Variants in CYP3A7 observed in about 807,000 individuals in gnomAD.
CYP3A7 encodes cytochrome P450 3A7.
CYP3A7 carries 45 observed loss-of-function variants against 55.2 expected under a neutral mutation model. That is an observed-to-expected ratio of 0.82 (90% CI 0.64 to 1.05). The LOEUF (loss-of-function observed/expected upper bound fraction) is 1.05. Among genes scored for constraint, CYP3A7 ranks in the 50% least tolerant of loss-of-function variants. The pLI, the probability that CYP3A7 is intolerant of heterozygous loss-of-function variation, is 0.00. For missense variants in CYP3A7, 548 were observed against 605.3 expected (o/e 0.91, Z 0.99); for synonymous variants, 180 against 207.4 (o/e 0.87, Z 1.13).
chr7:99,708,800 G>A (rs1279627639), intron 11 of CYP3A7, among the ~76,000 whole-genome samples: 1 of 152,150 alleles, frequency 6.6e-6, no homozygotes, highest in Non-Finnish European at 1.5e-5. Flanking sequence ...GACCCATAAG[G>A]ACATAATTGA....
chr7:99,713,067 A>C (rs1490619501), intron 9 of CYP3A7, among the ~76,000 whole-genome samples: 2 of 152,240 alleles, frequency 1.3e-5, no homozygotes, highest in African/African-American at 4.8e-5. Context: ...AGATGCATTA[A>C]GTTGCTGCAA....
intron 2 of CYP3A7, among the ~76,000 whole-genome samples, chr7:99,726,801 T>G (rs1161608802): frequency 2.0e-5 from 3 of 152,176 alleles, no homozygotes; most frequent in African/African-American, 7.2e-5. Context: ...ACATTTACTC[T>G]CCAAAGGATA....
At chr7:99,706,088 T>C (rs1257674763) in intron 12 of CYP3A7, among the ~76,000 whole-genome samples, 1 of 152,216 alleles carries the variant, frequency 6.6e-6, no homozygotes, top group East Asian at 1.9e-4. Flanking sequence ...CCATCTAGTG[T>C]AAAGATGGGA....
At chr7:99,715,628 A>G in intron 7 of CYP3A7, 130 bp downstream of exon 7, 3 of 1,490,596 alleles carry the variant, frequency 2.0e-6, no homozygotes, top group South Asian at 1.2e-5. Flanking sequence ...ATGGTCGTAC[A>G]TATCTTCAAA....
intron 1 of CYP3A7, among the ~76,000 whole-genome samples, chr7:99,734,177 T>C (rs185057552): frequency 3.3e-5 from 5 of 152,344 alleles, no homozygotes; most frequent in Admixed American, 3.3e-4. Flanking sequence ...ATTGCTAACT[T>C]TTCTGTGAAA....
At chr7:99,730,230 A>C (rs1814562435) in intron 2 of CYP3A7, among the ~76,000 whole-genome samples, 1 of 152,230 alleles carries the variant, frequency 6.6e-6, no homozygotes, top group Non-Finnish European at 1.5e-5. Context: ...AGTGAAATTA[A>C]ATATTCAATA....
At chr7:99,710,501 T>C (rs994095376) in intron 10 of CYP3A7, among the ~76,000 whole-genome samples, 1 of 152,194 alleles carries the variant, frequency 6.6e-6, no homozygotes, top group African/African-American at 2.4e-5. Context: ...ATTATTGTGG[T>C]AACAGAAAGC....
rs372190635 is a variant in CYP3A7 at position 99,710,000 on chromosome 7, C to A, written c.1026+732G>T. Among the ~76,000 whole-genome samples, 23 of 152,084 alleles carry A rather than the reference C, an allele frequency of 1.5e-4. No homozygotes were observed. The East Asian group carries it at 2.1e-3, about 14-fold the overall frequency. On this transcript the variant is annotated intron_variant, in intron 10 of 12. Coordinates refer to ENST00000336374, the MANE Select transcript of CYP3A7 (RefSeq NM_000765.5). ...GGCAAAGTTATGAAAAGGATAGAAC[C>A]CCACACAGCCCTGTCCTCACTTGCT...
At chr7:99,708,060 C>T in intron 11 of CYP3A7, 86 bp from the exon 12 acceptor site, 1 of 1,580,356 alleles carries the variant, frequency 6.3e-7, no homozygotes, top group Non-Finnish European at 8.7e-7. Context: ...TTAGGGCCCA[C>T]CCCTCTACTA....
At chr7:99,730,202 A>T (rs915846900) in intron 2 of CYP3A7, among the ~76,000 whole-genome samples, 1 of 152,252 alleles carries the variant, frequency 6.6e-6, no homozygotes, top group Non-Finnish European at 1.5e-5. Flanking sequence ...TCCATGAGGC[A>T]CATATGACAT....
At chr7:99,729,291 A>G (rs943459189) in intron 2 of CYP3A7, among the ~76,000 whole-genome samples, 10 of 152,148 alleles carry the variant, frequency 6.6e-5, no homozygotes, top group South Asian at 2.1e-4. Context: ...CCATGGTACC[A>G]TCCTCTGCCC....
rs1814603850 is a variant in CYP3A7 at position 99,731,211 on chromosome 7, G to A, written c.72-59C>T. The A allele has an allele frequency of 4.4e-6, 7 of 1,594,558 alleles. No homozygotes were observed. The Admixed American group carries it at 1.0e-4, about 23-fold the overall frequency. On this transcript the variant is annotated intron_variant, in intron 1 of 12. Coordinates refer to ENST00000336374, the MANE Select transcript of CYP3A7 (RefSeq NM_000765.5). ...TTGTGACTTTATAGATATAGGGGCTGGTGAGTCACTGACTGAGGAACTGGA... is the reference window on the plus strand; with the variant it reads ...TTGTGACTTTATAGATATAGGGGCTAGTGAGTCACTGACTGAGGAACTGGA...
At position 99,715,847 on chromosome 7, in the gene CYP3A7, T is replaced by C; in HGVS notation, c.581A>G (p.Asp194Gly). The change falls in exon 7 of 13, where the codon GAC becomes GGC. Residue 194 changes from aspartate (D) to glycine (G), a missense_variant. Transcript: ENST00000336374. Reference sequence around the variant, plus strand: ...GGGGTCTTGTGGATTGTTGAGAGAGTCGATGCTCACTCCAAATGATGTGCT... The same window carrying C: ...GGGGTCTTGTGGATTGTTGAGAGAGCCGATGCTCACTCCAAATGATGTGCT... ...ITSTSFGVSI[D>G]SLNNPQDPFV... The C allele has an allele frequency of 1.2e-6, 2 of 1,613,776 alleles. No homozygotes were observed. Among genetic ancestry groups the C allele is most frequent in the Admixed American group, 1.7e-5 (1 of 59,992 alleles).
At chr7:99,720,446 A>G (rs1329841525) in intron 3 of CYP3A7, 34 bp from the exon 4 acceptor site, 3 of 1,611,774 alleles carry the variant, frequency 1.9e-6, no homozygotes, top group Admixed American at 1.7e-5. Flanking sequence ...TTAAACATCA[A>G]CAGCCTTATG....
In CYP3A7 at chr7:99,705,736, C is replaced by T. The variant is rs1299049767; in HGVS notation, c.1417-141G>A. ...CTTTCAGCACTATAAATCTTGGATT[C>T]GTTATACTTACTCTATAAGATGTGT... On this transcript the variant is annotated intron_variant, in intron 12 of 12. Transcript: ENST00000336374. 1.1e-5 allele frequency: 11 copies of T among 1,016,952 alleles called. 1 individual carries two copies. The highest frequency in any genetic ancestry group is 7.3e-5 in the South Asian group (5 of 68,272). The allele number at this position is 1,016,952 out of a possible 1,614,324, so 63.0% of individuals were successfully genotyped here.
chr7:99,721,502 TA>T (rs1190683594), intron 3 of CYP3A7, among the ~76,000 whole-genome samples: 3 of 152,050 alleles, frequency 2.0e-5, no homozygotes, highest in Non-Finnish European at 4.4e-5. Context: ...ATGCATGTGA[TA>T]AAAGGGCATC....
chr7:99,721,708 G>A (rs937122181), intron 3 of CYP3A7, among the ~76,000 whole-genome samples: 15 of 152,090 alleles, frequency 9.9e-5, no homozygotes, highest in African/African-American at 2.4e-4. Flanking sequence ...TTACAATAGC[G>A]AGTGTGAACA....
chr7:99,718,685 G>C (rs750405320), intron 4 of CYP3A7, among the ~76,000 whole-genome samples: 10 of 151,910 alleles, frequency 6.6e-5, no homozygotes, highest in Non-Finnish European at 1.2e-4. Flanking sequence ...GAATTAAAAG[G>C]CATACAGATT....
At position 99,733,949 on chromosome 7, in the gene CYP3A7, G is replaced by A. The variant is rs75719667; in HGVS notation, c.71+1074C>T. 1.9e-3 allele frequency among the ~76,000 whole-genome samples: 289 copies of A among 152,266 alleles called. 1 individual carries two copies. Among genetic ancestry groups the A allele is most frequent in the Non-Finnish European group, 3.2e-3 (221 of 68,008 alleles). On this transcript the variant is annotated intron_variant, in intron 1 of 12. Transcript: ENST00000336374. ...CCTAGAGATATATATTTGTACATTA[G>A]ACTCATATTCCTGACATTATTCTGG...
Sources: gnomAD v4.1 joint callset for allele counts (sites outside exome capture counted in the v4.1 genomes callset) on GRCh38, gnomAD v4.1.1 for gene constraint, MANE v1.5 for transcripts, NCBI Gene and HGNC (gene_info 2026-07-23, HGNC 2026-07-21) for gene names.